Variants in COL23A1 observed in about 807,000 individuals in gnomAD.
COL23A1 encodes the protein collagen alpha-1(XXIII) chain.
Under a neutral mutation model 99.3 loss-of-function variants are expected in COL23A1, and 97 were observed. The ratio of observed to expected loss-of-function variants is 0.98; its 90% CI spans 0.83 to 1.16. The LOEUF (loss-of-function observed/expected upper bound fraction) is 1.16. COL23A1 is among the 50% of genes most tolerant of loss of function. The pLI, the probability that COL23A1 is intolerant of heterozygous loss-of-function variation, is 0.00. For synonymous variants in COL23A1, 320 were observed against 308.2 expected (o/e 1.04, Z -0.40); for missense variants, 762 against 757.4 (o/e 1.01, Z -0.07).
chr5:178,319,849 G>T (rs1759191706), intron 2 of COL23A1, among the ~76,000 whole-genome samples: 1 of 152,102 alleles, frequency 6.6e-6, no homozygotes, highest in African/African-American at 2.4e-5. Context: ...TGGAACTGCG[G>T]GTCACTCCGA....
At chr5:178,386,645 C>T (rs1378390435) in intron 2 of COL23A1, among the ~76,000 whole-genome samples, 1 of 152,062 alleles carries the variant, frequency 6.6e-6, no homozygotes, top group Non-Finnish European at 1.5e-5. Context: ...CGTGAACTCC[C>T]CCGCCCCCAC....
chr5:178,260,460 A>G (rs1242391474), intron 11 of COL23A1, among the ~76,000 whole-genome samples: 1 of 152,190 alleles, frequency 6.6e-6, no homozygotes, highest in African/African-American at 2.4e-5. Flanking sequence ...TTCCAACTAG[A>G]TGACACTCTG....
chr5:178,342,470 C>T (rs1466721758), intron 2 of COL23A1, among the ~76,000 whole-genome samples: 3 of 152,190 alleles, frequency 2.0e-5, no homozygotes, highest in Admixed American at 6.5e-5. Context: ...GCTCAAAGGC[C>T]CCCTTGATAC....
intron 5 of COL23A1, among the ~76,000 whole-genome samples, chr5:178,286,088 C>T (rs971449892): frequency 2.6e-5 from 4 of 152,194 alleles, no homozygotes; most frequent in Admixed American, 2.0e-4. Flanking sequence ...CGCCTACCTC[C>T]GTGTGGAAAT....
chr5:178,498,255 T>TACATATATATATATATATATAAAA (rs1554184592), intron 2 of COL23A1, among the ~76,000 whole-genome samples: 1 of 70,936 alleles, frequency 1.4e-5, no homozygotes, highest in African/African-American at 5.9e-5. Flanking sequence ...TATATATATA[T>TACATATATATATATATATATAAAA]ATAAAAGAAC....
intron 2 of COL23A1, among the ~76,000 whole-genome samples, chr5:178,457,906 G>A (rs964237207): frequency 3.3e-5 from 5 of 152,176 alleles, no homozygotes; most frequent in Non-Finnish European, 5.9e-5. Context: ...ATAGGCAAAC[G>A]TTTTCTAGTT....
At chr5:178,397,803 A>G (rs1413723253) in intron 2 of COL23A1, among the ~76,000 whole-genome samples, 1 of 152,162 alleles carries the variant, frequency 6.6e-6, no homozygotes, top group African/African-American at 2.4e-5. Flanking sequence ...CCTGGCCAAC[A>G]TGGTGAAACC....
At chr5:178,449,362 C>T (rs1767354652) in intron 2 of COL23A1, among the ~76,000 whole-genome samples, 1 of 152,036 alleles carries the variant, frequency 6.6e-6, no homozygotes, top group East Asian at 1.9e-4. Context: ...CCTGTGGTTC[C>T]CTGATAGTAA....
intron 2 of COL23A1, among the ~76,000 whole-genome samples, chr5:178,515,288 T>C (rs1357748754): frequency 6.6e-6 from 1 of 152,234 alleles, no homozygotes; most frequent in Non-Finnish European, 1.5e-5. Flanking sequence ...GCAGCCTCCA[T>C]GCCCAGGCAG....
intron 3 of COL23A1, among the ~76,000 whole-genome samples, chr5:178,294,240 G>A (rs1295449799): frequency 2.0e-5 from 3 of 149,924 alleles, no homozygotes; most frequent in Non-Finnish European, 4.4e-5. Context: ...TCACTACCGA[G>A]CTCCCTCCCC....
chr5:178,248,063 C>T, intron 20 of COL23A1, 129 bp downstream of exon 20: 1 of 759,080 alleles, frequency 1.3e-6, no homozygotes, highest in South Asian at 1.7e-5. Flanking sequence ...GTCTCGCTCC[C>T]CTTACTCTCC....
chr5:178,339,647 T>A (rs1760542870), intron 2 of COL23A1, among the ~76,000 whole-genome samples: 1 of 152,190 alleles, frequency 6.6e-6, no homozygotes, highest in Admixed American at 6.5e-5. Context: ...ATATGTTCCT[T>A]TATGCACTGG....
At chr5:178,509,193 C>G (rs1178065981) in intron 2 of COL23A1, among the ~76,000 whole-genome samples, 1 of 145,062 alleles carries the variant, frequency 6.9e-6, no homozygotes, top group Non-Finnish European at 1.5e-5. Flanking sequence ...CCACCGGCAT[C>G]GGACCTCCGG....
chr5:178,323,769 C>T (rs1309686014), intron 2 of COL23A1, among the ~76,000 whole-genome samples: 2 of 152,150 alleles, frequency 1.3e-5, no homozygotes, highest in African/African-American at 4.8e-5. Flanking sequence ...CACATGTGGA[C>T]CTACCATGAG....
At chr5:178,345,522 AT>A (rs34350142) in intron 2 of COL23A1, among the ~76,000 whole-genome samples, 168 of 142,728 alleles carry the variant, frequency 1.2e-3, no homozygotes, top group Middle Eastern at 3.5e-3. Flanking sequence ...TGCTGACACC[AT>A]TTTTTTTTTT....
At chr5:178,358,159 T>C (rs1051312519) in intron 2 of COL23A1, among the ~76,000 whole-genome samples, 2 of 148,868 alleles carry the variant, frequency 1.3e-5, no homozygotes, top group Non-Finnish European at 3.0e-5. Flanking sequence ...TGTATGTGTG[T>C]ATGTCTAATG....
chr5:178,575,247 A>G (rs1195946072), intron 1 of COL23A1, among the ~76,000 whole-genome samples: 1 of 152,182 alleles, frequency 6.6e-6, no homozygotes, highest in Non-Finnish European at 1.5e-5. Flanking sequence ...CCACAAAACT[A>G]AGGGATAATT....
intron 2 of COL23A1, among the ~76,000 whole-genome samples, chr5:178,386,070 G>A (rs1002750327): frequency 6.6e-6 from 1 of 152,152 alleles, no homozygotes; most frequent in Non-Finnish European, 1.5e-5. Context: ...AGCTTGCATT[G>A]CAGGCTATAA....
At chr5:178,394,645 G>A (rs1051225123) in intron 2 of COL23A1, among the ~76,000 whole-genome samples, 2 of 152,214 alleles carry the variant, frequency 1.3e-5, no homozygotes, top group Admixed American at 1.3e-4. Context: ...TCAGCCTCCT[G>A]GTTCCTGAGT....
Sources: allele counts gnomAD v4.1 joint callset (sites outside exome capture counted in the v4.1 genomes callset), GRCh38; gene constraint gnomAD v4.1.1; transcripts MANE v1.5; gene names NCBI Gene and HGNC (gene_info 2026-07-23, HGNC 2026-07-21).